CHD7: variants seen among roughly 807,000 people sequenced by gnomAD.
CHD7 encodes chromodomain helicase DNA binding protein 7.
CHD7 carries 24 observed loss-of-function variants against 307.3 expected under a neutral mutation model. The observed-to-expected ratio is 0.08, with a 90% CI of 0.06 to 0.11. The LOEUF is 0.11. Ranked by LOEUF, CHD7 falls within the 10% of genes least tolerant of loss-of-function variation. The probability of loss-of-function intolerance (pLI) is 1.00; values close to 1 mark genes in which losing one functional copy is unlikely to be tolerated. For synonymous variants in CHD7, 1,363 were observed against 1,349.9 expected, an observed-to-expected ratio of 1.01 and a Z score of -0.21; for missense variants, 3,106 against 3,727.1, an observed-to-expected ratio of 0.83 and a Z score of 4.34.
intron 1 of CHD7, among the ~76,000 whole-genome samples, chr8:60,702,966 G>GCA (rs2150510656): frequency 6.6e-6 from 1 of 152,324 alleles, no homozygotes; most frequent in Admixed American, 6.5e-5. Context: ...AGAAAAGAAG[G>GCA]CCGCTCTGGT....
At chr8:60,773,156 G>A (rs921788482) in intron 2 of CHD7, among the ~76,000 whole-genome samples, 1 of 152,204 alleles carries the variant, frequency 6.6e-6, no homozygotes, top group Admixed American at 6.5e-5. Flanking sequence ...TGCCTCAGGG[G>A]GGTACCCCTC....
At chr8:60,746,567 T>C (rs1341081183) in intron 2 of CHD7, among the ~76,000 whole-genome samples, 1 of 152,256 alleles carries the variant, frequency 6.6e-6, no homozygotes, top group Non-Finnish European at 1.5e-5. Context: ...GAAATGTCCA[T>C]TTAACTTGAT....
chr8:60,822,278 A>C (rs1341983432), intron 11 of CHD7, 133 bp downstream of exon 11: 1 of 755,120 alleles, frequency 1.3e-6, no homozygotes, highest in Non-Finnish European at 2.0e-6. Flanking sequence ...CATTGAAAAT[A>C]TATGTAATAT....
intron 1 of CHD7, among the ~76,000 whole-genome samples, chr8:60,719,427 G>T (rs979523885): frequency 2.6e-5 from 4 of 152,088 alleles, no homozygotes; most frequent in Non-Finnish European, 4.4e-5. Flanking sequence ...ACGTGTGGGG[G>T]CTCAAAGGTT....
chr8:60,743,095 C>A lies in CHD7; in HGVS notation c.1663C>A (p.Gln555Lys), dbSNP rs200024753. Residue 555 changes from glutamine (Q) to lysine (K), a missense_variant and splice_region_variant, in exon 2 of 38, where the codon CAG becomes AAG. Gln to Lys is a moderately conservative substitution (Grantham distance 53). Around this residue, in one of 10 missense-constraint regions of CHD7, gnomAD observed 998 missense variants for 1,004.5 expected, o/e 0.99. Coordinates refer to ENST00000423902, the MANE Select transcript of CHD7 (RefSeq NM_017780.4). ...CACCCCGCAGAAAGTGCCTGTGCAT[C>A]AGGTAAGGGGACACAGAGCCTACCT... ...QNTPQKVPVH[Q>K]HSPSEPFLEK... 60 of 1,612,038 alleles carry A rather than the reference C, an allele frequency of 3.7e-5. No individual in the cohort carries two copies. Among genetic ancestry groups the A allele is most frequent in the Non-Finnish European group, 4.7e-5 (55 of 1,178,878 alleles).
At chr8:60,756,569 T>TG (rs971225592) in intron 2 of CHD7, among the ~76,000 whole-genome samples, 2 of 152,148 alleles carry the variant, frequency 1.3e-5, no homozygotes, top group Admixed American at 1.3e-4. Context: ...CCCAGCTATC[T>TG]GGGGGGCTGA....
intron 1 of CHD7, among the ~76,000 whole-genome samples, chr8:60,732,001 A>G (rs1034031936): frequency 1.3e-5 from 2 of 152,232 alleles, no homozygotes; most frequent in Admixed American, 6.5e-5. Context: ...AGGTTTATTC[A>G]TGATGGATAA....
At chr8:60,789,271 T>G (rs568719596) in intron 3 of CHD7, among the ~76,000 whole-genome samples, 1 of 152,360 alleles carries the variant, frequency 6.6e-6, no homozygotes, top group East Asian at 1.9e-4. Flanking sequence ...CTCTTTTACT[T>G]CTTATCCATT....
chr8:60,743,527 A>G (rs191067942), intron 2 of CHD7, among the ~76,000 whole-genome samples: 1 of 152,228 alleles, frequency 6.6e-6, no homozygotes, highest in East Asian at 1.9e-4. Flanking sequence ...CTCCTTTTAT[A>G]TTGTGATATT....
chr8:60,824,338 C>A (rs1158856896), intron 13 of CHD7: 2 of 381,870 alleles, frequency 5.2e-6, no homozygotes, highest in South Asian at 2.6e-4. Flanking sequence ...GAATCCAAAA[C>A]GTTTTGAGTA....
chr8:60,681,259 A>T (rs1159370515), intron 1 of CHD7, among the ~76,000 whole-genome samples: 1 of 152,244 alleles, frequency 6.6e-6, no homozygotes, highest in Non-Finnish European at 1.5e-5. Flanking sequence ...TTTCAGAAAT[A>T]ACTTGAGCAG....
chr8:60,822,311 TTG>T (rs1385007097), intron 11 of CHD7, among the ~76,000 whole-genome samples, 166 bp downstream of exon 11: 2 of 152,126 alleles, frequency 1.3e-5, no homozygotes, highest in African/African-American at 4.8e-5. Flanking sequence ...AATACAGAGA[TTG>T]ATATAAGTGT....
At chr8:60,744,187 C>T (rs1398230221) in intron 2 of CHD7, among the ~76,000 whole-genome samples, 19 of 152,152 alleles carry the variant, frequency 1.2e-4, no homozygotes, top group Non-Finnish European at 4.4e-5. Flanking sequence ...CACGGGAAGT[C>T]AAGCTTGCTG....
chr8:60,792,388 G>T (rs553858074), intron 3 of CHD7, among the ~76,000 whole-genome samples: 4 of 152,282 alleles, frequency 2.6e-5, no homozygotes, highest in African/African-American at 7.2e-5. Context: ...GGACACTGAA[G>T]ATTTTGTTGC....
intron 2 of CHD7, among the ~76,000 whole-genome samples, chr8:60,753,867 C>T (rs960640656): frequency 6.6e-6 from 1 of 151,942 alleles, no homozygotes; most frequent in Non-Finnish European, 1.5e-5. Flanking sequence ...TCGGGTGATC[C>T]ACCTGCCTCA....
At chr8:60,718,283 C>T (rs1289775849) in intron 1 of CHD7, among the ~76,000 whole-genome samples, 1 of 152,132 alleles carries the variant, frequency 6.6e-6, no homozygotes, top group African/African-American at 2.4e-5. Context: ...TGGAGACCAG[C>T]CTGGCCAACA....
intron 1 of CHD7, among the ~76,000 whole-genome samples, chr8:60,715,934 G>C (rs1299685667): frequency 1.3e-5 from 2 of 152,162 alleles, no homozygotes; most frequent in African/African-American, 4.8e-5. Context: ...TGGTGACACT[G>C]TACCTTCACA....
chr8:60,739,632 A>G (rs62524951), intron 1 of CHD7, among the ~76,000 whole-genome samples: 4,733 of 152,276 alleles, frequency 0.031, 162 homozygotes, highest in African/African-American at 0.079. Flanking sequence ...GTCACCTGAA[A>G]ACTACAGGCC....
intron 3 of CHD7, among the ~76,000 whole-genome samples, chr8:60,784,295 G>C (rs1428067252): frequency 6.6e-6 from 1 of 152,136 alleles, no homozygotes; most frequent in East Asian, 1.9e-4. Flanking sequence ...TTCCATCCTT[G>C]AATAAGTTAA....
Sources: allele counts gnomAD v4.1 joint callset (sites outside exome capture counted in the v4.1 genomes callset), GRCh38; gene constraint gnomAD v4.1.1; regional missense constraint gnomAD v4.1.1; transcripts MANE v1.5; gene names NCBI Gene and HGNC (gene_info 2026-07-23, HGNC 2026-07-21).